Variants in TMOD4 observed in about 807,000 individuals in gnomAD.
The protein encoded by TMOD4 is tropomodulin 4.
TMOD4 carries 34 observed loss-of-function variants against 45.4 expected under a neutral mutation model. The observed-to-expected ratio is 0.75, with a 90% confidence interval of 0.57 to 1.00. The LOEUF (loss-of-function observed/expected upper bound fraction) is 1.00, where lower values mean the gene tolerates loss of function less well. TMOD4 is among the 50% of genes least tolerant of loss of function. The probability of loss-of-function intolerance (pLI) is 0.00; values close to 1 mark genes in which losing one functional copy is unlikely to be tolerated. For missense variants in TMOD4, 399 were observed against 437.5 expected (o/e 0.91, Z 0.78); for synonymous variants, 131 against 153.9 (o/e 0.85, Z 1.10).
chr1:151,174,718 G>A lies in TMOD4; in HGVS notation c.123+35C>T, dbSNP rs777906111. On this transcript the variant is annotated intron_variant, in intron 2 of 9. Coordinates refer to ENST00000295314, the MANE Select transcript of TMOD4 (RefSeq NM_013353.3). ...GCCCAACACCCTTCCCAAATGCCTG[G>A]GACTGCCTCTGGTTCCCTGTGCTGG... is the stretch of plus-strand genomic sequence containing the variant. 3.1e-6 allele frequency: 5 copies of A among 1,612,580 alleles called. No individual in the cohort carries two copies. The Admixed American group carries it at 5.0e-5, about 16-fold the overall frequency.
Position 151,172,354 on chromosome 1 carries a change from A to C in TMOD4, c.401T>G (p.Ile134Ser), listed in dbSNP as rs775796313. The stretch of plus-strand genomic sequence containing the variant: ...ACTCATCAGTGTGTACATGTCCAGA[A>C]TTGCTGGAGAGGGTAAGAAGAGGAG... ...TDAEMCDIAA[I>S]LDMYTLMSNK... The change falls in exon 5 of 10, where the codon ATT (isoleucine) becomes AGT (serine). Residue 134 changes from isoleucine (I) to serine (S), a missense_variant. Physicochemically the swap from Ile to Ser is moderately radical, Grantham distance 142. Transcript: ENST00000295314. 5.0e-6 allele frequency: 8 copies of C among 1,612,566 alleles called. No homozygotes were observed. Among genetic ancestry groups the C allele is most frequent in the East Asian group, 2.2e-5 (1 of 44,868 alleles).
In TMOD4 at chr1:151,174,579, C is replaced by A. The variant is rs199936283; in HGVS notation, c.124-32G>T. 8.1e-6 allele frequency: 13 copies of A among 1,611,290 alleles called. No homozygotes were observed. In the East Asian group the frequency reaches 2.9e-4, roughly 36 times the overall value. ...GATGAGTTTTGGGGAGCAAGTCAGA[C>A]CTCCCCTCTGACCTAGGTACTGCTA... On this transcript the variant is annotated intron_variant, in intron 2 of 9. Coordinates refer to ENST00000295314, the MANE Select transcript of TMOD4 (RefSeq NM_013353.3).
intron 7 of TMOD4, 29 bp from the exon 8 acceptor site, chr1:151,171,092 A>C: frequency 6.2e-7 from 1 of 1,611,436 alleles, no homozygotes; most frequent in Non-Finnish European, 8.5e-7. Flanking sequence ...GGTTAGGATT[A>C]GGGAACAGTT....
Position 151,170,024 on chromosome 1 carries a change from G to T in TMOD4, c.*57C>A, listed in dbSNP as rs749822284. The T allele has an allele frequency of 1.3e-6, 2 of 1,596,934 alleles. No homozygotes were observed. Among genetic ancestry groups the T allele is most frequent in the Admixed American group, 3.3e-5 (2 of 59,924 alleles). The stretch of plus-strand genomic sequence containing the variant: ...CTTTTATTTACAGGAAAGGAGGACA[G>T]ATGAGGATTTAAGTGTCCAGTGCTC... On this transcript the variant is annotated 3_prime_UTR_variant, in exon 10 of 10. Transcript: ENST00000295314.
intron 3 of TMOD4, 106 bp from the exon 4 acceptor site, chr1:151,173,721 G>T: frequency 1.2e-6 from 1 of 819,324 alleles, no homozygotes; most frequent in Non-Finnish European, 2.1e-6. Flanking sequence ...GTCACGAAGG[G>T]ACACTGGAAA....
chr1:151,174,114 G>C (rs1035927562), intron 3 of TMOD4, among the ~76,000 whole-genome samples: 4 of 152,288 alleles, frequency 2.6e-5, no homozygotes, highest in South Asian at 4.1e-4. Flanking sequence ...TACTCGGGGG[G>C]CTGAGGCAGG....
chr1:151,174,082 G>C (rs997453930), intron 3 of TMOD4, among the ~76,000 whole-genome samples: 5 of 152,144 alleles, frequency 3.3e-5, no homozygotes, highest in African/African-American at 7.2e-5. Context: ...CGGGCGTGGT[G>C]GTGGGCGCCT....
In TMOD4 at chr1:151,171,655, T is replaced by C; in HGVS notation, c.596A>G (p.Glu199Gly). 6.2e-7 allele frequency: 1 copy of C among 1,614,094 alleles called. No individual in the cohort carries two copies. Among genetic ancestry groups the C allele is most frequent in the Non-Finnish European group, 8.5e-7 (1 of 1,180,008 alleles). ...RVRSNDKELE[E>G]VNLNNIQDIP... ...TACCTGTATATTATTCAAGTTCACC[T>C]CCTCCAGCTCCTTGTCATTGCTTCG... The change falls in exon 6 of 10, where the codon GAG becomes GGG. Residue 199 changes from glutamate (E) to glycine (G), a missense_variant. Coordinates refer to ENST00000295314, the MANE Select transcript of TMOD4 (RefSeq NM_013353.3).
intron 1 of TMOD4, chr1:151,175,244 G>A (rs976746151): frequency 1.4e-5 from 3 of 208,080 alleles, no homozygotes; most frequent in African/African-American, 7.0e-5. Context: ...ACAGCTGCTG[G>A]AAGCCCTGCC....
chr1:151,174,854 G>A lies in TMOD4; in HGVS notation c.22C>T (p.Leu8=). Residue 8 remains leucine, a synonymous_variant, in exon 2 of 10, where the codon CTG becomes TTG. Coordinates refer to ENST00000295314, the MANE Select transcript of TMOD4 (RefSeq NM_013353.3). MSSYQKE[L]EKYRDIDEDE... is the part of the protein sequence containing the mutation. ...TCATCTATGTCTCTGTATTTCTCCA[G>A]TTCCTTCTGATATGATGACATGGTG... The A allele has an allele frequency of 1.9e-6, 3 of 1,614,160 alleles. No homozygotes were observed. The highest frequency in any genetic ancestry group is 2.2e-5 in the South Asian group (2 of 91,078).
intron 5 of TMOD4, 32 bp from the exon 6 acceptor site, chr1:151,171,795 C>T: frequency 2.5e-6 from 4 of 1,601,228 alleles, no homozygotes; most frequent in South Asian, 1.1e-5. Context: ...GGAACCCCAA[C>T]ATGTTCCCCA....
At chr1:151,174,627 A>C in intron 2 of TMOD4, 80 bp from the exon 3 acceptor site, 2 of 1,595,458 alleles carry the variant, frequency 1.3e-6, no homozygotes, top group Non-Finnish European at 1.7e-6. Context: ...ACATCACCGG[A>C]CACCTTTCCC....
intron 5 of TMOD4, 48 bp downstream of exon 5, chr1:151,172,220 G>A (rs1683982774): frequency 6.9e-7 from 1 of 1,448,502 alleles, no homozygotes; most frequent in Non-Finnish European, 9.7e-7. Flanking sequence ...CAGACACTAG[G>A]ACTGCCTGCC....
intron 1 of TMOD4, 76 bp downstream of exon 1, chr1:151,175,848 T>G (rs1163868335): frequency 6.6e-6 from 1 of 151,906 alleles, no homozygotes; most frequent in Non-Finnish European, 1.5e-5. Flanking sequence ...TCCACATCAT[T>G]CCCCATAGGA....
At chr1:151,174,988 C>T in intron 1 of TMOD4, 71 bp from the exon 2 acceptor site, 2 of 1,257,726 alleles carry the variant, frequency 1.6e-6, no homozygotes, top group Non-Finnish European at 2.3e-6. Context: ...ACAAAGAGAC[C>T]AGCCAGGGGG....
In TMOD4 at chr1:151,174,877, G is replaced by A; in HGVS notation, c.-2C>T. 6.2e-7 allele frequency: 1 copy of A among 1,614,152 alleles called. No individual in the cohort carries two copies. Among genetic ancestry groups the A allele is most frequent in the African/African-American group, 1.3e-5 (1 of 75,026 alleles). ...CAGTTCCTTCTGATATGATGACATG[G>A]TGGCCCCCACCCCCTCCCCACTGTG... On this transcript the variant is annotated 5_prime_UTR_variant, in exon 2 of 10. Coordinates refer to ENST00000295314, the MANE Select transcript of TMOD4 (RefSeq NM_013353.3).
chr1:151,173,645 A>G, intron 3 of TMOD4, 30 bp from the exon 4 acceptor site: 1 of 1,563,766 alleles, frequency 6.4e-7, no homozygotes, highest in African/African-American at 1.4e-5. Flanking sequence ...TGGCTCAGGT[A>G]GAGGTAATTT....
At chr1:151,170,721 A>G in intron 8 of TMOD4, 58 bp from the exon 9 acceptor site, 1 of 1,603,426 alleles carries the variant, frequency 6.2e-7, no homozygotes, top group Non-Finnish European at 8.5e-7. Context: ...TTACCATCCC[A>G]CATCACAGAC....
chr1:151,174,418 AGTC>A lies in TMOD4; in HGVS notation c.250_252del (p.Asp84del). The stretch of plus-strand genomic sequence containing the variant: ...TTCTTCTCGCCTGTGAAGGGCACCA[AGTC>A]ATCACGCTCTTTGACTTCTAGTGCC... On this transcript the variant is annotated inframe_deletion, in exon 3 of 10. Coordinates refer to ENST00000295314, the MANE Select transcript of TMOD4 (RefSeq NM_013353.3). 1 of 1,614,086 alleles carries A rather than the reference AGTC, an allele frequency of 6.2e-7. No homozygotes were observed. Among genetic ancestry groups the A allele is most frequent in the East Asian group, 2.2e-5 (1 of 44,866 alleles).
Sources: gnomAD v4.1 joint callset for allele counts (sites outside exome capture counted in the v4.1 genomes callset) on GRCh38, gnomAD v4.1.1 for gene constraint, MANE v1.5 for transcripts, NCBI Gene and HGNC (gene_info 2026-07-23, HGNC 2026-07-21) for gene names.